HADHB: variants seen among roughly 807,000 people sequenced by gnomAD.
The protein encoded by HADHB is hydroxyacyl-CoA dehydrogenase trifunctional multienzyme complex subunit beta.
Under a neutral mutation model 61.9 loss-of-function variants are expected in HADHB, and 50 were observed. That is an observed-to-expected ratio of 0.81 (90% CI 0.64 to 1.02). The LOEUF (loss-of-function observed/expected upper bound fraction) is 1.02, where lower values mean the gene tolerates loss of function less well. HADHB is among the 50% of genes least tolerant of loss of function. The pLI, the probability that HADHB is intolerant of heterozygous loss-of-function variation, is 0.00. For synonymous variants in HADHB, 191 were observed against 201.6 expected (o/e 0.95, Z 0.45); for missense variants, 504 against 586.5 (o/e 0.86, Z 1.45).
chr2:26,285,817 A>T (rs1477658277), intron 15 of HADHB, among the ~76,000 whole-genome samples: 1 of 135,734 alleles, frequency 7.4e-6, no homozygotes, highest in Non-Finnish European at 1.5e-5. Context: ...AGCTCACTGC[A>T]ACCTCCACTT....
intron 3 of HADHB, among the ~76,000 whole-genome samples, chr2:26,258,119 C>T (rs1671706711): frequency 6.6e-6 from 1 of 152,126 alleles, no homozygotes; most frequent in Non-Finnish European, 1.5e-5. Flanking sequence ...TGCATTAGGT[C>T]CCTTAACTGA....
intron 4 of HADHB, among the ~76,000 whole-genome samples, chr2:26,265,308 C>T (rs941003271): frequency 6.6e-6 from 1 of 152,102 alleles, no homozygotes; most frequent in Admixed American, 6.6e-5. Context: ...TTAAAAAATA[C>T]AAACAGGCCA....
chr2:26,262,304 T>C (rs1027215640), intron 3 of HADHB, among the ~76,000 whole-genome samples: 6 of 152,182 alleles, frequency 3.9e-5, no homozygotes, highest in Non-Finnish European at 5.9e-5. Flanking sequence ...AATAATGAAC[T>C]AGATTTTGAT....
At position 26,278,599 on chromosome 2, in the gene HADHB, AC is replaced by A. The variant is rs781502172; in HGVS notation, c.443-13del. On this transcript the variant is annotated splice_polypyrimidine_tract_variant and intron_variant, in intron 7 of 15. Transcript: ENST00000317799. ...CTGTAAAAGATATTCATGAAGTATA[AC>A]CTGTGCCCTGTAGGTGTTGGCTTGA... is the stretch of plus-strand genomic sequence containing the variant. The A allele has an allele frequency of 1.2e-6, 2 of 1,607,756 alleles. No individual in the cohort carries two copies. The highest frequency in any genetic ancestry group is 4.5e-5 in the East Asian group (2 of 44,842).
chr2:26,265,597 AAACAAC>A (rs58410284), intron 4 of HADHB, among the ~76,000 whole-genome samples: 31 of 151,738 alleles, frequency 2.0e-4, no homozygotes, highest in Admixed American at 1.3e-4. Context: ...CTCCATCTCA[AAACAAC>A]AACAACAACA....
chr2:26,246,872 A>T (rs866049671), intron 1 of HADHB, among the ~76,000 whole-genome samples: 1 of 152,152 alleles, frequency 6.6e-6, no homozygotes, highest in Admixed American at 6.5e-5. Context: ...CACCATCTCT[A>T]CTGGTAATAG....
At chr2:26,271,917 T>A (rs528226751) in intron 5 of HADHB, among the ~76,000 whole-genome samples, 111 of 152,312 alleles carry the variant, frequency 7.3e-4, no homozygotes, top group African/African-American at 1.6e-3. Context: ...AAATTTTTTT[T>A]AAATTTTTAA....
intron 4 of HADHB, among the ~76,000 whole-genome samples, chr2:26,266,110 GT>G (rs1344765614): frequency 6.6e-6 from 1 of 151,390 alleles, no homozygotes; most frequent in Non-Finnish European, 1.5e-5. Flanking sequence ...AAAAAAAGGT[GT>G]TTTAATTAGC....
At chr2:26,288,618 A>G (rs527895444) in intron 15 of HADHB, among the ~76,000 whole-genome samples, 2 of 151,976 alleles carry the variant, frequency 1.3e-5, no homozygotes, top group East Asian at 1.9e-4. Flanking sequence ...CTGAGGTGGA[A>G]GTATCACCTG....
intron 7 of HADHB, 52 bp downstream of exon 7, chr2:26,277,212 T>C (rs766944986): frequency 2.3e-6 from 2 of 874,324 alleles, no homozygotes; most frequent in Non-Finnish European, 3.8e-6. Flanking sequence ...CCTTTGTCTT[T>C]TACTTGATTA....
At position 26,245,263 on chromosome 2, in the gene HADHB, GGTGT is replaced by G. The variant is rs3839048; in HGVS notation, c.-9+287_-9+290del. On this transcript the variant is annotated intron_variant, in intron 1 of 15. Coordinates refer to ENST00000317799, the MANE Select transcript of HADHB (RefSeq NM_000183.3). ...AGTTAACGAAGTCTGGGGGTGTGGG[GGTGT>G]GTGTGTGTGTGTGGGTGTGTGTGGG... 0.17 allele frequency: 28,991 copies of G among 167,938 alleles called. 2,922 individuals are homozygous for G. Among genetic ancestry groups the G allele is most frequent in the Middle Eastern group, 0.25 (80 of 324 alleles). 10.4% of individuals were successfully genotyped at this position (167,938 alleles called of 1,614,324 possible).
intron 3 of HADHB, among the ~76,000 whole-genome samples, chr2:26,259,161 C>T (rs1464266189): frequency 1.3e-5 from 2 of 152,172 alleles, no homozygotes; most frequent in African/African-American, 2.4e-5. Flanking sequence ...AGGGTTCTGT[C>T]GTGATCCATT....
chr2:26,285,913 T>C lies in HADHB; in HGVS notation c.1389+342T>C, dbSNP rs184834385. Among the ~76,000 whole-genome samples the C allele has an allele frequency of 3.7e-3, 555 of 151,916 alleles. 2 individuals are homozygous for C. Among genetic ancestry groups the C allele is most frequent in the African/African-American group, 0.013 (521 of 41,402 alleles). ...CCACCATGTCCAGTTAATTTTTGTA[T>C]TTTTAGTAGAGACAGAGTTTCGCCA... On this transcript the variant is annotated intron_variant, in intron 15 of 15. Transcript: ENST00000317799.
Position 26,278,810 on chromosome 2 carries a change from T to C in HADHB, c.630+9T>C, listed in dbSNP as rs771016054. ...ATTTCCTAGCACCTGAGGTAAGGCTTGTGTTTGCAGGGCATCCCACTGCAG... is the reference window on the plus strand; with the variant it reads ...ATTTCCTAGCACCTGAGGTAAGGCTCGTGTTTGCAGGGCATCCCACTGCAG... On this transcript the variant is annotated intron_variant, in intron 8 of 15. Coordinates refer to ENST00000317799, the MANE Select transcript of HADHB (RefSeq NM_000183.3). 6.2e-7 allele frequency: 1 copy of C among 1,611,908 alleles called. No individual in the cohort carries two copies. The highest frequency in any genetic ancestry group is 8.5e-7 in the Non-Finnish European group (1 of 1,177,964).
intron 3 of HADHB, among the ~76,000 whole-genome samples, chr2:26,262,155 A>G (rs1431332411): frequency 1.3e-5 from 2 of 152,208 alleles, no homozygotes; most frequent in African/African-American, 2.4e-5. Context: ...GATGTTTACT[A>G]TAAATACTTC....
intron 15 of HADHB, among the ~76,000 whole-genome samples, chr2:26,289,638 T>G (rs1673183623): frequency 6.6e-6 from 1 of 152,172 alleles, no homozygotes; most frequent in Non-Finnish European, 1.5e-5. Context: ...TGAATGTATA[T>G]AAATATATAT....
intron 3 of HADHB, among the ~76,000 whole-genome samples, chr2:26,257,628 C>T (rs1220405663): frequency 1.3e-5 from 2 of 152,088 alleles, no homozygotes; most frequent in Non-Finnish European, 2.9e-5. Context: ...TTAGGCTCTT[C>T]TGTGTAGAGC....
chr2:26,277,023 A>C (rs374376500), intron 6 of HADHB, 50 bp from the exon 7 acceptor site: 2 of 893,866 alleles, frequency 2.2e-6, no homozygotes, highest in Admixed American at 1.7e-5. Context: ...CATCATTTAC[A>C]TGATGCCCTT....
chr2:26,283,123 ATAAATGAT>A (rs1253440594), intron 12 of HADHB, 72 bp downstream of exon 12: 3 of 936,794 alleles, frequency 3.2e-6, no homozygotes, highest in African/African-American at 1.6e-5. Flanking sequence ...ATACTGGTTA[ATAAATGAT>A]TAACACTGGT....
Sources: gnomAD v4.1 joint callset for allele counts (sites outside exome capture counted in the v4.1 genomes callset) on GRCh38, gnomAD v4.1.1 for gene constraint, MANE v1.5 for transcripts, NCBI Gene and HGNC (gene_info 2026-07-23, HGNC 2026-07-21) for gene names.